The following PTPDC1 variants were observed in gnomAD, a reference collection of about 807,000 sequenced individuals.
The protein encoded by PTPDC1 is protein tyrosine phosphatase domain containing 1, also known as protein tyrosine phosphatase domain-containing protein 1.
In PTPDC1, 53 loss-of-function variants were observed where a neutral mutation model predicts 75.3. The ratio of observed to expected loss-of-function variants is 0.70; its 90% CI spans 0.56 to 0.88. The LOEUF is 0.88. PTPDC1 is among the 40% of genes least tolerant of loss of function. PTPDC1 has a pLI of 0.00. For synonymous variants in PTPDC1, 349 were observed against 366.2 expected (o/e 0.95, Z 0.54); for missense variants, 925 against 998.6 (o/e 0.93, Z 0.99).
Position 94,098,165 on chromosome 9 carries a change from C to T in PTPDC1, c.1599C>T (p.Ile533=). Reference sequence around the variant, plus strand: ...GGTCACCAATTTTCCATGGAAGGATCATTCCAAAGGAAGCACAGCAGAGTG... The same window carrying T: ...GGTCACCAATTTTCCATGGAAGGATTATTCCAAAGGAAGCACAGCAGAGTG... ...DNGSPIFHGR[I]IPKEAQQSGA... is the part of the protein sequence containing the mutation. The change falls in exon 6 of 9, where the codon ATC becomes ATT. Residue 533 remains isoleucine, a synonymous_variant. Transcript: ENST00000620992. 6.2e-7 allele frequency: 1 copy of T among 1,614,230 alleles called. No individual in the cohort carries two copies. Among genetic ancestry groups the T allele is most frequent in the Non-Finnish European group, 8.5e-7 (1 of 1,180,042 alleles).
intron 1 of PTPDC1, among the ~76,000 whole-genome samples, chr9:94,042,881 T>C (rs1190618225): frequency 6.6e-6 from 1 of 152,208 alleles, no homozygotes; most frequent in Non-Finnish European, 1.5e-5. Flanking sequence ...TTGTTTTCAG[T>C]TCATCAGAGG....
chr9:94,084,768 A>C lies in PTPDC1; in HGVS notation c.238A>C (p.Ser80Arg). The C allele has an allele frequency of 6.4e-7, 1 of 1,564,140 alleles. No individual in the cohort carries two copies. The highest frequency in any genetic ancestry group is 1.2e-5 in the South Asian group (1 of 82,648). The part of the protein sequence containing the change: ...EGNPTFPERK[S>R]KGNLERPTPK... Reference sequence around the variant, plus strand: ...AAACCCAACTTTCCCCGAAAGAAAAAGTAAAGGTCTCTTTCTTCTTATAGA... The same window carrying C: ...AAACCCAACTTTCCCCGAAAGAAAACGTAAAGGTCTCTTTCTTCTTATAGA... The change falls in exon 1 of 9, where the codon AGT (serine) becomes CGT (arginine). Residue 80 changes from serine (S) to arginine (R), a missense_variant. Transcript: ENST00000620992.
At position 94,085,374 on chromosome 9, in the gene PTPDC1, C is replaced by T. The variant is rs1359104913; in HGVS notation, c.368C>T (p.Ala123Val). 6.2e-7 allele frequency: 1 copy of T among 1,614,200 alleles called. No homozygotes were observed. The highest frequency in any genetic ancestry group is 1.6e-4 in the Middle Eastern group (1 of 6,062). ...GGRACKYENP[A>V]RWSEQEQAIK... ...AGAGCTTGCAAGTATGAGAACCCAGCCCGCTGGAGTGAGCAGGAGCAAGCC... is the reference window on the plus strand; with the variant it reads ...AGAGCTTGCAAGTATGAGAACCCAGTCCGCTGGAGTGAGCAGGAGCAAGCC... Residue 123 changes from alanine to valine, a missense_variant, in exon 2 of 9, where the codon GCC becomes GTC. By Grantham distance (64) the Ala-to-Val change is moderately conservative. Transcript: ENST00000620992.
rs964862964 is a variant in PTPDC1, at chr9:94,038,102, G to A, written c.-7+6975G>A. ...CCAGTGACACACCGTGGAAAAGGGA[G>A]GCAAGCATAAGACTGAGCATAATCT... is the stretch of plus-strand genomic sequence containing the variant. On this transcript the variant is annotated intron_variant, in intron 1 of 9. Transcript: ENST00000375360. The A allele has an allele frequency of 4.9e-5, 27 of 556,392 alleles. No homozygotes were observed. In the Admixed American group the frequency reaches 5.4e-4, roughly 11 times the overall value. The allele number at this position is 556,392 out of a possible 1,614,324, so 34.5% of individuals were successfully genotyped here.
At chr9:94,071,605 G>C (rs970994525) in intron 2 of PTPDC1, among the ~76,000 whole-genome samples, 7 of 152,176 alleles carry the variant, frequency 4.6e-5, no homozygotes, top group Non-Finnish European at 1.0e-4. Flanking sequence ...TAGATTCACT[G>C]TTGGGTTTCA....
intron 1 of PTPDC1, among the ~76,000 whole-genome samples, chr9:94,044,316 T>C (rs1022837312): frequency 1.3e-5 from 2 of 152,348 alleles, no homozygotes; most frequent in Admixed American, 6.5e-5. Context: ...TAGATTTACT[T>C]TAAGTTCCAG....
chr9:94,084,445 T>C, upstream of PTPDC1: 1 of 1,564,106 alleles, frequency 6.4e-7, no homozygotes, highest in East Asian at 2.2e-5. Flanking sequence ...TACAGAACGA[T>C]GCAATGCTCC....
chr9:94,032,212 G>A (rs1829741731), intron 1 of PTPDC1, among the ~76,000 whole-genome samples: 1 of 152,138 alleles, frequency 6.6e-6, no homozygotes, highest in Non-Finnish European at 1.5e-5. Flanking sequence ...AGACCTCTTA[G>A]TGCACAAGAA....
At chr9:94,036,623 G>A (rs1436072985) in intron 1 of PTPDC1, among the ~76,000 whole-genome samples, 1 of 152,106 alleles carries the variant, frequency 6.6e-6, no homozygotes, top group Non-Finnish European at 1.5e-5. Context: ...CCACCACAAG[G>A]CCATAACCTG....
In PTPDC1 at chr9:94,097,931, C is replaced by A. The variant is rs764435170; in HGVS notation, c.1365C>A (p.Ala455=). The change falls in exon 6 of 9, where the codon GCC becomes GCA. Residue 455 remains alanine (A), a synonymous_variant. Coordinates refer to ENST00000620992, the MANE Select transcript of PTPDC1 (RefSeq NM_001253829.2). ...LSYSDSDLKR[A]ENLLEQGETP... ...ACAGTGACTCAGATTTAAAGAGGGC[C>A]GAGAACCTCCTGGAGCAAGGGGAGA... The A allele has an allele frequency of 5.0e-6, 8 of 1,613,982 alleles. No homozygotes were observed. In the Admixed American group the frequency reaches 1.3e-4, roughly 27 times the overall value.
intron 1 of PTPDC1, among the ~76,000 whole-genome samples, chr9:94,044,237 C>A (rs1233994619): frequency 6.6e-6 from 1 of 152,148 alleles, no homozygotes; most frequent in Non-Finnish European, 1.5e-5. Flanking sequence ...TATAGATCAA[C>A]TTGGAGAGAA....
At chr9:94,042,190 C>T (rs1825444864) in intron 1 of PTPDC1, among the ~76,000 whole-genome samples, 1 of 152,158 alleles carries the variant, frequency 6.6e-6, no homozygotes, top group Non-Finnish European at 1.5e-5. Flanking sequence ...AGTATCAGAG[C>T]TATTAACCCA....
intron 4 of PTPDC1, 116 bp from the exon 5 acceptor site, chr9:94,095,201 A>T (rs149070193): frequency 1.5e-4 from 106 of 710,356 alleles, no homozygotes; most frequent in Non-Finnish European, 2.4e-4. Flanking sequence ...TATGCAGTGT[A>T]TGCACTGAGA....
In PTPDC1 at chr9:94,108,349, C is replaced by T. The variant is rs1828094142; in HGVS notation, c.*405C>T. The T allele has an allele frequency of 6.5e-6, 1 of 153,120 alleles. No homozygotes were observed. Among genetic ancestry groups the T allele is most frequent in the South Asian group, 2.1e-4 (1 of 4,836 alleles). The allele number at this position is 153,120 out of a possible 1,614,324, so 9.5% of individuals were successfully genotyped here. On this transcript the variant is annotated 3_prime_UTR_variant, in exon 9 of 9. Transcript: ENST00000620992. Reference sequence around the variant, plus strand: ...AAATAGCTAACTTTAGTAGTAAAACCTCATTGTGTATCCATTCCCCCACAG... The same window carrying T: ...AAATAGCTAACTTTAGTAGTAAAACTTCATTGTGTATCCATTCCCCCACAG...
rs774137513 is a variant in PTPDC1 at position 94,097,884 on chromosome 9, C to T, written c.1318C>T (p.His440Tyr). The T allele has an allele frequency of 8.7e-6, 14 of 1,614,102 alleles. No homozygotes were observed. The highest frequency in any genetic ancestry group is 1.2e-5 in the Non-Finnish European group (14 of 1,180,052). Residue 440 changes from histidine (H) to tyrosine (Y), a missense_variant, in exon 6 of 9, where the codon CAT becomes TAT. His to Tyr is a moderately conservative substitution (Grantham distance 83). Transcript: ENST00000620992. ...RNVECLQPLT[H>Y]LKRRLSYSDS... ...TGTTGAGTGCCTTCAACCCCTGACT[C>T]ATCTGAAAAGGCGGCTCAGCTACAG...
At chr9:94,084,380 T>G, upstream of PTPDC1, 1 of 1,291,422 alleles carries the variant, frequency 7.7e-7, no homozygotes, top group African/African-American at 1.5e-5. Context: ...AATCAGTAGT[T>G]TCTTTGTTTG....
rs995524374 is a variant in PTPDC1 at position 94,094,238 on chromosome 9, G to T, written c.617-1079G>T. 2.0e-5 allele frequency among the ~76,000 whole-genome samples: 3 copies of T among 151,774 alleles called. No homozygotes were observed. The South Asian group carries it at 6.3e-4, about 32-fold the overall frequency. ...TATCTACTTTTGGTCTTTGATGATG[G>T]TGATGTACAGATGGGTTTTTGGTGT... On this transcript the variant is annotated intron_variant, in intron 4 of 8. Coordinates refer to ENST00000620992, the MANE Select transcript of PTPDC1 (RefSeq NM_001253829.2).
intron 1 of PTPDC1, among the ~76,000 whole-genome samples, chr9:94,043,518 T>C (rs571224852): frequency 6.6e-6 from 1 of 152,236 alleles, no homozygotes; most frequent in Non-Finnish European, 1.5e-5. Context: ...TCCTCTTTGC[T>C]CCACACCTAA....
intron 4 of PTPDC1, among the ~76,000 whole-genome samples, chr9:94,092,020 T>C (rs2691102): frequency 0.64 from 90,280 of 142,016 alleles, 30,947 homozygotes; most frequent in African/African-American, 0.89. Flanking sequence ...TTTGTTGATC[T>C]TTTCAAAAAA....
Sources: allele counts gnomAD v4.1 joint callset (sites outside exome capture counted in the v4.1 genomes callset), GRCh38; gene constraint gnomAD v4.1.1; transcripts MANE v1.5; gene names NCBI Gene and HGNC (gene_info 2026-07-23, HGNC 2026-07-21).